Variants in BICRA observed in about 807,000 individuals in gnomAD.
BICRA encodes the protein BRD4-interacting chromatin-remodeling complex-associated protein.
Under a neutral mutation model 96.9 loss-of-function variants are expected in BICRA, and 31 were observed. The observed-to-expected ratio is 0.32, with a 90% CI of 0.24 to 0.43. BICRA has a LOEUF of 0.43. BICRA is among the 20% of genes least tolerant of loss of function. The probability of loss-of-function intolerance (pLI) is 1.00; values close to 1 mark genes in which losing one functional copy is unlikely to be tolerated. For synonymous variants in BICRA, 1,350 were observed against 1,071.8 expected, an observed-to-expected ratio of 1.26 and a Z score of -5.07; for missense variants, 2,283 against 2,190.3, an observed-to-expected ratio of 1.04 and a Z score of -0.84.
At chr19:47,628,727 C>T (rs1972176252) in intron 1 of BICRA, among the ~76,000 whole-genome samples, 1 of 152,002 alleles carries the variant, frequency 6.6e-6, no homozygotes, top group African/African-American at 2.4e-5. Context: ...ACCTCAGCCT[C>T]CTGAGTAGCT....
rs1395814757 is a variant in BICRA at position 47,680,137 on chromosome 19, C to G, written c.967C>G (p.Gln323Glu). Residue 323 changes from glutamine (Q) to glutamate (E), a missense_variant, in exon 6 of 15, where the codon CAG becomes GAG. Transcript: ENST00000594866. ...ASAPTGTPSG[Q>E]PLAVAPGLGS... ...GGCTCCCACCGGGACGCCCTCGGGA[C>G]AGCCGCTGGCGGTGGCCCCAGGCCT... is the stretch of plus-strand genomic sequence containing the variant. 1 of 1,524,176 alleles carries G rather than the reference C, an allele frequency of 6.6e-7. No individual in the cohort carries two copies. Among genetic ancestry groups the G allele is most frequent in the Non-Finnish European group, 8.7e-7 (1 of 1,145,820 alleles). 94.4% of individuals were successfully genotyped at this position (1,524,176 alleles called of 1,614,324 possible). A position where few individuals can be genotyped will look rare whatever the true frequency, so the allele number is the denominator to read the frequency against.
At chr19:47,689,959 G>A (rs913383158) in intron 7 of BICRA, among the ~76,000 whole-genome samples, 13 of 152,058 alleles carry the variant, frequency 8.5e-5, no homozygotes, top group South Asian at 2.1e-4. Flanking sequence ...AGATTTTGGC[G>A]TTCTACACGA....
In BICRA at chr19:47,679,675, C is replaced by T; in HGVS notation, c.505C>T (p.Leu169=). 6.6e-7 allele frequency: 1 copy of T among 1,519,246 alleles called. No individual in the cohort carries two copies. Among genetic ancestry groups the T allele is most frequent in the East Asian group, 2.5e-5 (1 of 40,306 alleles). 94.1% of individuals were successfully genotyped at this position (1,519,246 alleles called of 1,614,324 possible). The change falls in exon 6 of 15, where the codon CTG becomes TTG. Residue 169 remains leucine (L), a synonymous_variant. Coordinates refer to ENST00000594866, the MANE Select transcript of BICRA (RefSeq NM_001394372.1). The stretch of plus-strand genomic sequence containing the variant: ...CCCAGGCAGCACCGACCTGCTGGGG[C>T]TGCAGGGCCCGCCTACCGTGCTGAC... ...LFPGSTDLLG[L]QGPPTVLTHQ... is the part of the protein sequence containing the mutation.
intron 7 of BICRA, among the ~76,000 whole-genome samples, chr19:47,683,431 A>G (rs1330669061): frequency 6.6e-6 from 1 of 152,112 alleles, no homozygotes; most frequent in African/African-American, 2.4e-5. Flanking sequence ...GTTCTATGAA[A>G]CTGCTCATAC....
chr19:47,611,498 CG>C (rs1022591801), intron 1 of BICRA, among the ~76,000 whole-genome samples: 1 of 152,110 alleles, frequency 6.6e-6, no homozygotes, highest in Non-Finnish European at 1.5e-5. Context: ...TCTACCTGAG[CG>C]GGGGACTTGG....
chr19:47,682,533 C>A (rs903121052), intron 7 of BICRA, among the ~76,000 whole-genome samples: 2 of 152,186 alleles, frequency 1.3e-5, no homozygotes, highest in African/African-American at 4.8e-5. Flanking sequence ...TGGTTTCTTG[C>A]ATTTGTTATC....
At chr19:47,662,357 G>A (rs536882180) in intron 1 of BICRA, 1 of 152,320 alleles carries the variant, frequency 6.6e-6, no homozygotes, top group African/African-American at 2.4e-5. Context: ...GCTGGGCAAA[G>A]ACTGGAAGTG....
At chr19:47,648,327 AG>A (rs1303104574) in intron 1 of BICRA, among the ~76,000 whole-genome samples, 1 of 151,916 alleles carries the variant, frequency 6.6e-6, no homozygotes, top group Non-Finnish European at 1.5e-5. Flanking sequence ...GGTCAGGCCT[AG>A]GTCAGGCGCC....
At chr19:47,613,767 C>T (rs1971944850) in intron 1 of BICRA, among the ~76,000 whole-genome samples, 1 of 151,888 alleles carries the variant, frequency 6.6e-6, no homozygotes. Context: ...CTCGCATTCT[C>T]CTCTGCCTGG....
intron 7 of BICRA, among the ~76,000 whole-genome samples, chr19:47,692,598 C>G (rs902305091): frequency 6.6e-6 from 1 of 152,192 alleles, no homozygotes; most frequent in Non-Finnish European, 1.5e-5. Flanking sequence ...TCAAAGTCCC[C>G]AGACCAAGCT....
intron 1 of BICRA, among the ~76,000 whole-genome samples, chr19:47,640,663 C>T (rs1972371030): frequency 1.3e-5 from 2 of 151,824 alleles, no homozygotes; most frequent in South Asian, 4.2e-4. Flanking sequence ...AGAGGGCTGG[C>T]GGTGTGGGTG....
chr19:47,657,881 A>G (rs2123557298), intron 1 of BICRA, among the ~76,000 whole-genome samples: 1 of 151,574 alleles, frequency 6.6e-6, no homozygotes, highest in East Asian at 1.9e-4. Flanking sequence ...TTGGCAGCTG[A>G]GGATTGTCAG....
chr19:47,609,970 G>A lies in BICRA; in HGVS notation c.-108+802G>A, dbSNP rs934461728. Among the ~76,000 whole-genome samples, 10 of 152,342 alleles carry A rather than the reference G, an allele frequency of 6.6e-5. No homozygotes were observed. In the South Asian group the frequency reaches 1.9e-3, roughly 28 times the overall value. On this transcript the variant is annotated intron_variant, in intron 1 of 14. Transcript: ENST00000594866. ...CCGGAGGGGGCCGTTACGGGGGTGG[G>A]GGGGGTGAGCGCCTCCTGTCACTTC...
At chr19:47,625,413 C>T (rs1972126121) in intron 1 of BICRA, among the ~76,000 whole-genome samples, 1 of 151,724 alleles carries the variant, frequency 6.6e-6, no homozygotes, top group Non-Finnish European at 1.5e-5. Flanking sequence ...TCGCAGGTCT[C>T]TGCTTAAATG....
In BICRA at chr19:47,679,903, C is replaced by A; in HGVS notation, c.733C>A (p.Leu245Ile). Residue 245 changes from leucine (L) to isoleucine (I), a missense_variant, in exon 6 of 15, where the codon CTC (leucine) becomes ATC (isoleucine). Coordinates refer to ENST00000594866, the MANE Select transcript of BICRA (RefSeq NM_001394372.1). ...IQVVGQPVMA[L>I]NTPTSQLLAK... Reference sequence around the variant, plus strand: ...GGTGGTGGGCCAGCCCGTCATGGCGCTCAACACGCCCACCTCCCAGCTCCT... The same window carrying A: ...GGTGGTGGGCCAGCCCGTCATGGCGATCAACACGCCCACCTCCCAGCTCCT... The A allele has an allele frequency of 6.6e-7, 1 of 1,522,090 alleles. No individual in the cohort carries two copies. Among genetic ancestry groups the A allele is most frequent in the Non-Finnish European group, 8.8e-7 (1 of 1,141,366 alleles). The allele number at this position is 1,522,090 out of a possible 1,614,324, so 94.3% of individuals were successfully genotyped here. A position where few individuals can be genotyped will look rare whatever the true frequency, so the allele number is the denominator to read the frequency against.
In BICRA at chr19:47,702,247, C is replaced by A; in HGVS notation, c.4515C>A (p.Ile1505=). The change falls in exon 15 of 15, where the codon ATC becomes ATA. Residue 1505 remains isoleucine, a synonymous_variant. Transcript: ENST00000594866. ...TCACCGAGCACCTGCAGAGCGCCAT[C>A]GACAGCATCCTGAACCTGCAGCAGG... is the stretch of plus-strand genomic sequence containing the variant. The part of the protein sequence containing the change: ...DTLTEHLQSA[I]DSILNLQQAP... 1 of 1,599,004 alleles carries A rather than the reference C, an allele frequency of 6.3e-7. No homozygotes were observed. Among genetic ancestry groups the A allele is most frequent in the Non-Finnish European group, 8.5e-7 (1 of 1,177,820 alleles).
intron 7 of BICRA, among the ~76,000 whole-genome samples, chr19:47,693,772 C>T (rs1050253299): frequency 6.6e-6 from 1 of 152,190 alleles, no homozygotes; most frequent in Non-Finnish European, 1.5e-5. Flanking sequence ...ACTGCCTCTG[C>T]TTCCTCTGCT....
rs1262748292 is a variant in BICRA at position 47,680,217 on chromosome 19, G to A, written c.1047G>A (p.Thr349=). 1.9e-6 allele frequency: 3 copies of A among 1,557,820 alleles called. No individual in the cohort carries two copies. The highest frequency in any genetic ancestry group is 1.8e-5 in the Admixed American group (1 of 54,600). The change falls in exon 6 of 15, where the codon ACG becomes ACA. Residue 349 remains threonine (T), a synonymous_variant. Coordinates refer to ENST00000594866, the MANE Select transcript of BICRA (RefSeq NM_001394372.1). ...APNVILHRTP[T]PIQPKPAGVL... ...ACGTGATCCTGCATCGCACACCCAC[G>A]CCCATCCAGCCCAAGCCCGCGGGGG...
At chr19:47,678,425 GT>G (rs1332932158) in intron 5 of BICRA, among the ~76,000 whole-genome samples, 1 of 151,746 alleles carries the variant, frequency 6.6e-6, no homozygotes, top group African/African-American at 2.4e-5. Flanking sequence ...CTTTATTTTT[GT>G]TTTTTGGGCG....
Sources: allele counts gnomAD v4.1 joint callset (sites outside exome capture counted in the v4.1 genomes callset), GRCh38; gene constraint gnomAD v4.1.1; transcripts MANE v1.5; gene names NCBI Gene and HGNC (gene_info 2026-07-23, HGNC 2026-07-21).